Variants in ADGRF5 observed in about 807,000 individuals in gnomAD.
The protein encoded by ADGRF5 is G-protein coupled receptor 116.
Under a neutral mutation model 132.3 loss-of-function variants are expected in ADGRF5, and 75 were observed. The observed-to-expected ratio is 0.57, with a 90% CI of 0.47 to 0.69. ADGRF5 has a LOEUF of 0.69. Among genes scored for constraint, ADGRF5 ranks in the 30% least tolerant of loss-of-function variants. ADGRF5 has a pLI of 0.00. For missense variants in ADGRF5, 1,516 were observed against 1,630.6 expected (o/e 0.93, Z 1.21); for synonymous variants, 629 against 597.6 (o/e 1.05, Z -0.77).
Position 46,878,376 on chromosome 6 carries a change from T to C in ADGRF5, c.1066A>G (p.Ile356Val). 6.2e-7 allele frequency: 1 copy of C among 1,610,280 alleles called. No homozygotes were observed. The highest frequency in any genetic ancestry group is 1.7e-4 in the Middle Eastern group (1 of 6,056). ...TTCTTCTTGCACTCATATTCAAAAA[T>C]GTCTAATATCAGTTTGCAAACATAT... is the stretch of plus-strand genomic sequence containing the variant. ...GEYVCKLILD[I>V]FEYECKKKID... Residue 356 changes from isoleucine (I) to valine (V), a missense_variant, in exon 10 of 21, where the codon ATT (isoleucine) becomes GTT (valine). Around this residue, in one of 2 missense-constraint regions of ADGRF5, gnomAD observed 945 missense variants for 929.4 expected, o/e 1.02. Transcript: ENST00000283296.
chr6:46,925,310 G>T (rs1057224903), upstream of ADGRF5, among the ~76,000 whole-genome samples: 1 of 152,124 alleles, frequency 6.6e-6, no homozygotes, highest in African/African-American at 2.4e-5. Context: ...CCCTAACATT[G>T]CTTTCTTAGT....
chr6:46,860,398 C>G (rs1263414350), intron 16 of ADGRF5, among the ~76,000 whole-genome samples: 1 of 152,236 alleles, frequency 6.6e-6, no homozygotes, highest in Non-Finnish European at 1.5e-5. Flanking sequence ...ACATTTAGTG[C>G]TAGACCTTTG....
At chr6:46,907,774 A>C (rs1041007167) in intron 1 of ADGRF5, 2 of 152,134 alleles carry the variant, frequency 1.3e-5, no homozygotes, top group African/African-American at 4.8e-5. Flanking sequence ...ACTAGAAACT[A>C]ACTGTGTCCT....
chr6:46,933,315 G>A (rs1161394831), intron 1 of ADGRF5, among the ~76,000 whole-genome samples: 5 of 152,092 alleles, frequency 3.3e-5, no homozygotes, highest in South Asian at 2.1e-4. Flanking sequence ...TACACATATC[G>A]CTCAGTAAAG....
At chr6:46,889,471 T>C (rs1232005923) in intron 3 of ADGRF5, among the ~76,000 whole-genome samples, 3 of 146,640 alleles carry the variant, frequency 2.0e-5, no homozygotes, top group African/African-American at 7.4e-5. Context: ...CTATATATAG[T>C]ATGCTATATA....
At chr6:46,893,430 A>G (rs563752364) in intron 3 of ADGRF5, among the ~76,000 whole-genome samples, 2 of 152,298 alleles carry the variant, frequency 1.3e-5, no homozygotes, top group African/African-American at 4.8e-5. Flanking sequence ...TTAGATGCTC[A>G]GCGATCAGCG....
At chr6:46,882,566 G>A (rs996987060) in intron 6 of ADGRF5, among the ~76,000 whole-genome samples, 11 of 152,208 alleles carry the variant, frequency 7.2e-5, no homozygotes, top group African/African-American at 2.7e-4. Context: ...AGCAGCAGCT[G>A]CAGCCCTTGC....
intron 1 of ADGRF5, among the ~76,000 whole-genome samples, chr6:46,912,464 C>T (rs1439861311): frequency 1.3e-5 from 2 of 151,950 alleles, no homozygotes; most frequent in Non-Finnish European, 2.9e-5. Context: ...GTGGCTGGAA[C>T]ATGAAAAGAG....
intron 1 of ADGRF5, among the ~76,000 whole-genome samples, chr6:46,948,825 GA>G (rs1778393571): frequency 6.6e-6 from 1 of 152,144 alleles, no homozygotes; most frequent in African/African-American, 2.4e-5. Context: ...AGACCACATT[GA>G]TCCAACCGAG....
Position 46,858,580 on chromosome 6 carries a change from C to T in ADGRF5, c.3323G>A (p.Gly1108Asp). 1 of 1,613,898 alleles carries T rather than the reference C, an allele frequency of 6.2e-7. No individual in the cohort carries two copies. Among genetic ancestry groups the T allele is most frequent in the Non-Finnish European group, 8.5e-7 (1 of 1,179,946 alleles). Reference sequence around the variant, plus strand: ...AACCAGGCGATAGAACAGCATGAGGCCCAGTGTCAGCATCCAGAAGAAGAC... The same window carrying T: ...AACCAGGCGATAGAACAGCATGAGGTCCAGTGTCAGCATCCAGAAGAAGAC... The part of the protein sequence containing the change: ...LSVFFWMLTL[G>D]LMLFYRLVFI... The change falls in exon 17 of 21, where the codon GGC (glycine) becomes GAC (aspartate). Residue 1108 changes from glycine to aspartate, a missense_variant. By Grantham distance (94) the Gly-to-Asp change is moderately conservative (BLOSUM62 -1). Around this residue, in one of 2 missense-constraint regions of ADGRF5, gnomAD observed 571 missense variants for 701.2 expected, o/e 0.81. Transcript: ENST00000283296.
intron 1 of ADGRF5, 102 bp from the exon 2 acceptor site, chr6:46,906,888 T>G: frequency 1.5e-6 from 1 of 671,532 alleles, no homozygotes; most frequent in Non-Finnish European, 2.7e-6. Context: ...ACACAAGAAC[T>G]TTTCAAAAGA....
intron 1 of ADGRF5, chr6:46,954,659 G>A (rs988292634): frequency 1.3e-5 from 2 of 152,152 alleles, no homozygotes; most frequent in African/African-American, 2.4e-5. Flanking sequence ...GAAAAGCCAC[G>A]TGGAAATGCA....
At chr6:46,895,020 A>G (rs1774025989) in intron 3 of ADGRF5, among the ~76,000 whole-genome samples, 2 of 152,106 alleles carry the variant, frequency 1.3e-5, no homozygotes, top group South Asian at 4.1e-4. Flanking sequence ...TACTAAAAAT[A>G]CAAAAAATTA....
chr6:46,932,498 AGGG>A (rs1777600894), intron 1 of ADGRF5, among the ~76,000 whole-genome samples: 2 of 152,196 alleles, frequency 1.3e-5, no homozygotes, highest in African/African-American at 4.8e-5. Flanking sequence ...TATCCACACA[AGGG>A]TTTTCTGTGC....
chr6:46,879,310 C>T (rs189655615), intron 9 of ADGRF5, among the ~76,000 whole-genome samples: 122 of 151,372 alleles, frequency 8.1e-4, no homozygotes, highest in African/African-American at 2.6e-3. Flanking sequence ...GGCTCTGTGT[C>T]CCCTCCCAAA....
Position 46,864,423 on chromosome 6 carries a change from A to G in ADGRF5, c.1990+619T>C, listed in dbSNP as rs564220736. On this transcript the variant is annotated intron_variant, in intron 14 of 20. Coordinates refer to ENST00000283296, the MANE Select transcript of ADGRF5 (RefSeq NM_001098518.2). ...TTTGCTGAAACCCCAAAGGACCTCA[A>G]CCACATTGATACTGTCCACTTCTAA... Among the ~76,000 whole-genome samples, 217 of 152,278 alleles carry G rather than the reference A, an allele frequency of 1.4e-3. 1 individual carries two copies. Among genetic ancestry groups the G allele is most frequent in the African/African-American group, 5.1e-3 (213 of 41,544 alleles).
chr6:46,933,500 C>G (rs576890665), intron 1 of ADGRF5, among the ~76,000 whole-genome samples: 1 of 152,320 alleles, frequency 6.6e-6, no homozygotes, highest in Non-Finnish European at 1.5e-5. Context: ...TCTCATACCA[C>G]AATGGCAAAC....
intron 1 of ADGRF5, among the ~76,000 whole-genome samples, chr6:46,929,506 A>AAATAAT (rs1165074727): frequency 7.4e-6 from 1 of 134,720 alleles, no homozygotes; most frequent in African/African-American, 2.7e-5. Flanking sequence ...AATAAAATAA[A>AAATAAT]AATAAAAATA....
At position 46,884,950 on chromosome 6, in the gene ADGRF5, C is replaced by A. The variant is rs1477843145; in HGVS notation, c.329-679G>T. Reference sequence around the variant, plus strand: ...AGGCACAGTGGCTCACTCCTATAATCCCAGCACTTGGGAGGCCAAGGCAGT... The same window carrying A: ...AGGCACAGTGGCTCACTCCTATAATACCAGCACTTGGGAGGCCAAGGCAGT... On this transcript the variant is annotated intron_variant, in intron 4 of 20. Coordinates refer to ENST00000283296, the MANE Select transcript of ADGRF5 (RefSeq NM_001098518.2). Among the ~76,000 whole-genome samples, 9 of 152,176 alleles carry A rather than the reference C, an allele frequency of 5.9e-5. No individual in the cohort carries two copies. In the East Asian group the frequency reaches 1.7e-3, roughly 29 times the overall value.
Sources: gnomAD v4.1 joint callset for allele counts (sites outside exome capture counted in the v4.1 genomes callset) on GRCh38, gnomAD v4.1.1 for gene constraint, gnomAD v4.1.1 regional missense constraint, MANE v1.5 for transcripts, NCBI Gene and HGNC (gene_info 2026-07-23, HGNC 2026-07-21) for gene names.